Variants in CSMD1 observed in about 807,000 individuals in gnomAD.
The protein encoded by CSMD1 is CUB and sushi domain-containing protein 1.
Under a neutral mutation model 417.5 loss-of-function variants are expected in CSMD1, and 213 were observed. The ratio of observed to expected loss-of-function variants is 0.51; its 90% CI spans 0.46 to 0.57. The LOEUF is 0.57. CSMD1 is among the 20% of genes least tolerant of loss of function. The probability of loss-of-function intolerance (pLI) is 0.00; values close to 1 mark genes in which losing one functional copy is unlikely to be tolerated. For missense variants in CSMD1, 6,923 were observed against 4,529.7 expected, an observed-to-expected ratio of 1.53 and a Z score of -15.17; for synonymous variants, 2,862 against 1,736.8, an observed-to-expected ratio of 1.65 and a Z score of -16.11.
intron 5 of CSMD1, among the ~76,000 whole-genome samples, chr8:3,963,080 A>C (rs1349325770): frequency 6.6e-6 from 1 of 152,076 alleles, no homozygotes; most frequent in Non-Finnish European, 1.5e-5. Context: ...ACAGGTATGC[A>C]CAACCACGTC....
intron 7 of CSMD1, among the ~76,000 whole-genome samples, chr8:3,650,504 G>A (rs1231857721): frequency 2.0e-5 from 3 of 152,088 alleles, no homozygotes; most frequent in Non-Finnish European, 2.9e-5. Context: ...GGGACCAGGG[G>A]CTACTGAGCC....
intron 40 of CSMD1, among the ~76,000 whole-genome samples, chr8:3,143,044 T>C (rs1818601377): frequency 6.6e-6 from 1 of 152,220 alleles, no homozygotes; most frequent in Admixed American, 6.5e-5. Context: ...ATCTTAAATA[T>C]GAAGTTGTGA....
chr8:4,864,879 CACA>C (rs887410010), intron 1 of CSMD1, among the ~76,000 whole-genome samples: 28 of 148,988 alleles, frequency 1.9e-4, no homozygotes, highest in African/African-American at 6.0e-4. Context: ...TTCTACTACA[CACA>C]CACACACACA....
intron 4 of CSMD1, among the ~76,000 whole-genome samples, chr8:4,022,394 A>T (rs1035240823): frequency 6.6e-6 from 1 of 152,098 alleles, no homozygotes; most frequent in African/African-American, 2.4e-5. Flanking sequence ...TTATGGGAGG[A>T]CATATTTTCT....
chr8:3,253,172 A>G (rs938424171), intron 26 of CSMD1, among the ~76,000 whole-genome samples: 13 of 152,014 alleles, frequency 8.6e-5, no homozygotes, highest in East Asian at 1.9e-4. Flanking sequence ...ATTTAGTGCT[A>G]TAAATTTCCC....
rs1261467708 is a variant in CSMD1 at position 4,266,794 on chromosome 8, A to C, written c.415+153159T>G. Among the ~76,000 whole-genome samples, 11 of 105,032 alleles carry C rather than the reference A, an allele frequency of 1.0e-4. 1 individual carries two copies. The highest frequency in any genetic ancestry group is 2.9e-4 in the African/African-American group (11 of 38,544). The allele number at this position is 105,032 out of a possible 152,430, so 68.9% of individuals were successfully genotyped here. A position where few individuals can be genotyped will look rare whatever the true frequency, so the allele number is the denominator to read the frequency against. ...AATAGTAGCACAGAGAATCTAGATG[A>C]AAACTTAAATAGTGGATTGTGATGA... On this transcript the variant is annotated intron_variant, in intron 3 of 69. Coordinates refer to ENST00000635120, the MANE Select transcript of CSMD1 (RefSeq NM_033225.6).
At chr8:4,557,281 T>C (rs1409948183) in intron 2 of CSMD1, among the ~76,000 whole-genome samples, 3 of 152,188 alleles carry the variant, frequency 2.0e-5, no homozygotes, top group Non-Finnish European at 4.4e-5. Flanking sequence ...GGCATCAAAT[T>C]GGTCTATATT....
intron 2 of CSMD1, among the ~76,000 whole-genome samples, chr8:4,533,568 C>T (rs1163274660): frequency 2.0e-5 from 3 of 151,674 alleles, no homozygotes; most frequent in East Asian, 1.9e-4. Context: ...TTTCAGTTTA[C>T]CTAAATTATT....
At chr8:4,336,796 G>A (rs1424382277) in intron 3 of CSMD1, among the ~76,000 whole-genome samples, 2 of 152,194 alleles carry the variant, frequency 1.3e-5, no homozygotes, top group East Asian at 3.9e-4. Flanking sequence ...ATGCCGCCTG[G>A]ATGAAAGGCA....
rs7827141 is a variant in CSMD1 at position 3,011,965 on chromosome 8, C to T, written c.8029+6512G>A. Among the ~76,000 whole-genome samples the T allele has an allele frequency of 5.3e-5, 8 of 152,188 alleles. No homozygotes were observed. The South Asian group carries it at 1.7e-3, about 32-fold the overall frequency. ...TAGCAAGTGCCTGAGAGAGTGGATA[C>T]CAGGTCAGCATTCTCAGTGCTTAAT... On this transcript the variant is annotated intron_variant, in intron 52 of 69. Transcript: ENST00000635120.
chr8:3,574,351 G>T (rs146593363), intron 10 of CSMD1, among the ~76,000 whole-genome samples: 1 of 152,110 alleles, frequency 6.6e-6, no homozygotes, highest in East Asian at 1.9e-4. Flanking sequence ...AGCGATTCCT[G>T]GGCCTCAGCC....
At chr8:3,836,764 T>C (rs911787283) in intron 5 of CSMD1, among the ~76,000 whole-genome samples, 3 of 152,134 alleles carry the variant, frequency 2.0e-5, no homozygotes, top group South Asian at 4.1e-4. Context: ...AAAATGTATT[T>C]TCTCACTGCA....
chr8:3,313,132 A>C (rs534642331), intron 23 of CSMD1, among the ~76,000 whole-genome samples: 1 of 152,382 alleles, frequency 6.6e-6, no homozygotes, highest in African/African-American at 2.4e-5. Context: ...GATGGATTAA[A>C]GACTTAAATG....
chr8:3,565,893 G>A (rs1043991043), intron 10 of CSMD1, among the ~76,000 whole-genome samples: 4 of 151,994 alleles, frequency 2.6e-5, no homozygotes, highest in Non-Finnish European at 5.9e-5. Flanking sequence ...TTAGAATAAG[G>A]CTCTAGATTT....
intron 2 of CSMD1, among the ~76,000 whole-genome samples, chr8:4,563,231 C>G (rs1798431315): frequency 6.6e-6 from 1 of 152,054 alleles, no homozygotes; most frequent in Non-Finnish European, 1.5e-5. Flanking sequence ...GAAACCCCGT[C>G]TCTACTAAAA....
In CSMD1 at chr8:4,188,309, C is replaced by G. The variant is rs111450922; in HGVS notation, c.416-156210G>C. 9.2e-5 allele frequency among the ~76,000 whole-genome samples: 14 copies of G among 152,242 alleles called. 1 individual carries two copies. Among genetic ancestry groups the G allele is most frequent in the African/African-American group, 3.4e-4 (14 of 41,544 alleles). The stretch of plus-strand genomic sequence containing the variant: ...TCAATGTCCCCCGGTTGTCAAATCG[C>G]TCACGTGGTTTTCTGGACCAAATGA... On this transcript the variant is annotated intron_variant, in intron 3 of 69. Coordinates refer to ENST00000635120, the MANE Select transcript of CSMD1 (RefSeq NM_033225.6).
At chr8:3,491,271 G>T (rs1818362402) in intron 11 of CSMD1, among the ~76,000 whole-genome samples, 1 of 152,138 alleles carries the variant, frequency 6.6e-6, no homozygotes, top group Non-Finnish European at 1.5e-5. Context: ...CTGCCTCAAT[G>T]TACACTAGGT....
intron 49 of CSMD1, among the ~76,000 whole-genome samples, chr8:3,083,526 C>T (rs557231621): frequency 4.9e-5 from 7 of 143,634 alleles, no homozygotes; most frequent in South Asian, 4.4e-4. Flanking sequence ...GTAAGGAAGT[C>T]GCTTAATCTG....
intron 3 of CSMD1, among the ~76,000 whole-genome samples, chr8:4,055,097 A>T (rs948721125): frequency 2.0e-5 from 3 of 152,162 alleles, no homozygotes; most frequent in African/African-American, 7.2e-5. Context: ...TTAGTAACAC[A>T]TTTTCTTTGA....
Sources: allele counts gnomAD v4.1 joint callset (sites outside exome capture counted in the v4.1 genomes callset), GRCh38; gene constraint gnomAD v4.1.1; transcripts MANE v1.5; gene names NCBI Gene and HGNC (gene_info 2026-07-23, HGNC 2026-07-21).